The following SPNS3 variants were observed in gnomAD, a reference collection of about 807,000 sequenced individuals.
The protein encoded by SPNS3 is SPNS lysolipid transporter 3, sphingosine-1-phosphate (putative).
Under a neutral mutation model 54.4 loss-of-function variants are expected in SPNS3, and 51 were observed. The ratio of observed to expected loss-of-function variants is 0.94; its 90% CI spans 0.75 to 1.18. The LOEUF (loss-of-function observed/expected upper bound fraction) is 1.18. SPNS3 is among the 50% of genes most tolerant of loss of function. The pLI is 0.00. For missense variants in SPNS3, 669 were observed against 677.4 expected, an observed-to-expected ratio of 0.99 and a Z score of 0.14; for synonymous variants, 309 against 294.7, an observed-to-expected ratio of 1.05 and a Z score of -0.50.
chr17:4,481,548 G>A (rs1449435673), intron 9 of SPNS3, among the ~76,000 whole-genome samples: 1 of 152,174 alleles, frequency 6.6e-6, no homozygotes, highest in Non-Finnish European at 1.5e-5. Context: ...ATAGGAAAAT[G>A]GGTGGAAACT....
At chr17:4,470,166 C>G (rs530578394) in intron 8 of SPNS3, among the ~76,000 whole-genome samples, 1 of 152,156 alleles carries the variant, frequency 6.6e-6, no homozygotes, top group Non-Finnish European at 1.5e-5. Context: ...CAGTGACTCA[C>G]GCCTGTAATC....
chr17:4,465,598 G>C (rs1248299032), intron 8 of SPNS3, among the ~76,000 whole-genome samples: 2 of 152,138 alleles, frequency 1.3e-5, no homozygotes, highest in Non-Finnish European at 2.9e-5. Context: ...ATGATGGCAG[G>C]TGCCTGTAAT....
intron 8 of SPNS3, among the ~76,000 whole-genome samples, chr17:4,468,841 G>T (rs780751501): frequency 2.0e-5 from 3 of 148,350 alleles, no homozygotes; most frequent in Admixed American, 6.8e-5. Context: ...GAGGCTGGAG[G>T]GCAATGGCAT....
intron 8 of SPNS3, among the ~76,000 whole-genome samples, chr17:4,477,876 A>G (rs1475916192): frequency 1.3e-5 from 2 of 150,828 alleles, no homozygotes; most frequent in African/African-American, 4.9e-5. Context: ...TTATCAGTGT[A>G]TACGGACTTT....
intron 8 of SPNS3, among the ~76,000 whole-genome samples, chr17:4,456,789 A>G (rs539644783): frequency 1.3e-5 from 2 of 151,980 alleles, no homozygotes; most frequent in East Asian, 1.9e-4. Context: ...ATCTCAGCTC[A>G]CTGCAACCTC....
chr17:4,480,495 C>T (rs3816689), intron 9 of SPNS3, among the ~76,000 whole-genome samples: 26,294 of 152,192 alleles, frequency 0.17, 2,604 homozygotes, highest in African/African-American at 0.27. Flanking sequence ...GCACCTGCCC[C>T]CACAGCTTCC....
rs894902525 is a variant in SPNS3 at position 4,478,629 on chromosome 17, A to C, written c.1171A>C (p.Ile391Leu). The C allele has an allele frequency of 2.5e-6, 4 of 1,588,792 alleles. No individual in the cohort carries two copies. The highest frequency in any genetic ancestry group is 3.4e-6 in the Non-Finnish European group (4 of 1,167,586). The stretch of plus-strand genomic sequence containing the variant: ...CTGCAACTGGGCAGTGGTTGCCGAC[A>C]TCCTGCTGGTAGGTGTGGGAGTCGG... ...LSCNWAVVAD[I>L]LLSVVVPRCR... The change falls in exon 9 of 12, where the codon ATC becomes CTC. Residue 391 changes from isoleucine (I) to leucine (L), a missense_variant. Coordinates refer to ENST00000355530, the MANE Select transcript of SPNS3 (RefSeq NM_182538.5).
intron 8 of SPNS3, among the ~76,000 whole-genome samples, chr17:4,463,041 C>G (rs568187921): frequency 6.6e-6 from 1 of 152,034 alleles, no homozygotes; most frequent in Admixed American, 6.6e-5. Context: ...CTTGGGTGGG[C>G]ATGTGTGCTG....
chr17:4,445,853 G>A (rs1286615203), intron 3 of SPNS3, among the ~76,000 whole-genome samples, 195 bp from the exon 4 acceptor site: 1 of 152,080 alleles, frequency 6.6e-6, no homozygotes, highest in Non-Finnish European at 1.5e-5. Context: ...GGGCAGGGGG[G>A]CAGGTGGTGG....
chr17:4,463,758 A>G (rs773282450), intron 8 of SPNS3, among the ~76,000 whole-genome samples: 5 of 151,630 alleles, frequency 3.3e-5, no homozygotes, highest in Non-Finnish European at 7.4e-5. Context: ...AAAAAAGAAT[A>G]TACTTGTACA....
At chr17:4,449,154 T>C (rs1971085352) in intron 6 of SPNS3, 81 bp from the exon 7 acceptor site, 1 of 1,493,728 alleles carries the variant, frequency 6.7e-7, no homozygotes, top group East Asian at 2.3e-5. Flanking sequence ...GTTCCTAGAC[T>C]GCCCAGGAGT....
At chr17:4,439,966 C>T (rs1034270115) in intron 2 of SPNS3, among the ~76,000 whole-genome samples, 2 of 152,104 alleles carry the variant, frequency 1.3e-5, no homozygotes, top group Non-Finnish European at 2.9e-5. Flanking sequence ...TGGGAGAGGT[C>T]CCTCAGCCTC....
intron 7 of SPNS3, among the ~76,000 whole-genome samples, chr17:4,452,357 GTGGAGGTTATTT>G (rs1971189915): frequency 6.6e-6 from 1 of 152,114 alleles, no homozygotes. Context: ...GGGAGCCTTT[GTGGAGGTTATTT>G]TGGAGGGACA....
intron 8 of SPNS3, among the ~76,000 whole-genome samples, chr17:4,461,787 T>C (rs1971513647): frequency 6.6e-6 from 1 of 152,100 alleles, no homozygotes; most frequent in African/African-American, 2.4e-5. Context: ...GGCCCATTAA[T>C]TGAGGCAGGA....
intron 8 of SPNS3, among the ~76,000 whole-genome samples, chr17:4,458,985 C>G (rs1971422117): frequency 6.6e-6 from 1 of 152,094 alleles, no homozygotes; most frequent in African/African-American, 2.4e-5. Context: ...TCCTGCCACG[C>G]AGGTCCCCTC....
intron 4 of SPNS3, chr17:4,446,573 C>G: frequency 1.9e-6 from 1 of 527,782 alleles, no homozygotes; most frequent in Non-Finnish European, 3.4e-6. Flanking sequence ...GCAATCAGGA[C>G]CCTGGCCTCT....
At chr17:4,443,102 G>A (rs555221534) in intron 2 of SPNS3, among the ~76,000 whole-genome samples, 10 of 151,570 alleles carry the variant, frequency 6.6e-5, no homozygotes, top group East Asian at 3.9e-4. Flanking sequence ...AGAGACTCTC[G>A]CTCTGTCACA....
chr17:4,468,763 CTCTT>C (rs1324650486), intron 8 of SPNS3, among the ~76,000 whole-genome samples: 6 of 28,970 alleles, frequency 2.1e-4, no homozygotes, highest in Non-Finnish European at 3.5e-4. Context: ...CTTTCTTTCT[CTCTT>C]TCTTTTTCTT....
intron 8 of SPNS3, among the ~76,000 whole-genome samples, chr17:4,464,140 TG>T (rs1394932860): frequency 6.6e-6 from 1 of 152,206 alleles, no homozygotes; most frequent in Admixed American, 6.5e-5. Context: ...AAGTCTGGTC[TG>T]GGGCCTTCCC....
Sources: gnomAD v4.1 joint callset for allele counts (sites outside exome capture counted in the v4.1 genomes callset) on GRCh38, gnomAD v4.1.1 for gene constraint, MANE v1.5 for transcripts, NCBI Gene and HGNC (gene_info 2026-07-23, HGNC 2026-07-21) for gene names.